Variants in FSIP2 observed in about 807,000 individuals in gnomAD.
FSIP2 encodes fibrous sheath interacting protein 2, also known as fibrous sheath-interacting protein 2.
FSIP2 carries 367 observed loss-of-function variants against 510.5 expected under a neutral mutation model. The observed-to-expected ratio is 0.72, with a 90% CI of 0.66 to 0.78. FSIP2 has a LOEUF of 0.78. Ranked by LOEUF, FSIP2 falls within the 30% of genes least tolerant of loss-of-function variation. The probability of loss-of-function intolerance (pLI) is 0.00; values close to 1 mark genes in which losing one functional copy is unlikely to be tolerated. For missense variants in FSIP2, 7,594 were observed against 7,901.7 expected, an observed-to-expected ratio of 0.96 and a Z score of 1.48; for synonymous variants, 2,601 against 2,732.2, an observed-to-expected ratio of 0.95 and a Z score of 1.50.
At chr2:185,772,137 G>C (rs1312221005) in intron 13 of FSIP2, among the ~76,000 whole-genome samples, 1 of 152,156 alleles carries the variant, frequency 6.6e-6, no homozygotes, top group Non-Finnish European at 1.5e-5. Flanking sequence ...GGACTTTGCT[G>C]TCTATATTTC....
intron 13 of FSIP2, among the ~76,000 whole-genome samples, chr2:185,773,399 G>A (rs1246565864): frequency 3.3e-5 from 5 of 152,132 alleles, no homozygotes; most frequent in Admixed American, 1.3e-4. Context: ...TAAGTGACTA[G>A]ATGCTTTTCT....
rs769452900 is a variant in FSIP2 at position 185,793,590 on chromosome 2, G to A, written c.6454G>A (p.Val2152Ile). 111 of 1,534,044 alleles carry A rather than the reference G, an allele frequency of 7.2e-5. No homozygotes were observed. The Middle Eastern group carries it at 1.3e-3, about 18-fold the overall frequency. The change falls in exon 16 of 23, where the codon GTC (valine) becomes ATC (isoleucine). Residue 2152 changes from valine to isoleucine, a missense_variant. Physicochemically the swap from Val to Ile is conservative, Grantham distance 29. Coordinates refer to ENST00000424728, the MANE Select transcript of FSIP2 (RefSeq NM_173651.4). Reference sequence around the variant, plus strand: ...TAAGCTTTCAGTTCCTAAATCAGATGTCATTTTGATATCCAATGATATAGT... The same window carrying A: ...TAAGCTTTCAGTTCCTAAATCAGATATCATTTTGATATCCAATGATATAGT... ...IPKLSVPKSDVILISNDIVNI... is the reference protein window; with the variant it reads ...IPKLSVPKSDIILISNDIVNI...
intron 19 of FSIP2, among the ~76,000 whole-genome samples, chr2:185,821,601 G>A (rs572442712): frequency 2.6e-5 from 4 of 151,748 alleles, no homozygotes; most frequent in East Asian, 3.9e-4. Flanking sequence ...GTTTTATCCC[G>A]GGAATGCAAG....
intron 16 of FSIP2, among the ~76,000 whole-genome samples, chr2:185,798,992 T>G (rs1397139092): frequency 6.6e-6 from 1 of 151,804 alleles, no homozygotes; most frequent in African/African-American, 2.4e-5. Context: ...CATGAAGATA[T>G]ATAATATATA....
At position 185,833,221 on chromosome 2, in the gene FSIP2, C is replaced by T; in HGVS notation, c.20719C>T (p.His6907Tyr). 1 of 1,605,240 alleles carries T rather than the reference C, an allele frequency of 6.2e-7. No homozygotes were observed. Among genetic ancestry groups the T allele is most frequent in the South Asian group, 1.1e-5 (1 of 89,728 alleles). ...TTCCTCACCAGCTCACCAGGATGAA[C>T]ACTGAAGCTTTTGTACCTGATATAA... ...RSSSPAHQDE[H>Y] The change falls in exon 23 of 23, where the codon CAC (histidine) becomes TAC (tyrosine). Residue 6907 changes from histidine (H) to tyrosine (Y), a missense_variant. Physicochemically the swap from His to Tyr is moderately conservative, Grantham distance 83. Coordinates refer to ENST00000424728, the MANE Select transcript of FSIP2 (RefSeq NM_173651.4).
rs1442877137 is a variant in FSIP2, at chr2:185,788,981, T to C, written c.1845T>C (p.Cys615=). The C allele has an allele frequency of 9.8e-6, 15 of 1,534,554 alleles. No individual in the cohort carries two copies. Among genetic ancestry groups the C allele is most frequent in the Non-Finnish European group, 1.3e-5 (15 of 1,145,746 alleles). The change falls in exon 16 of 23, where the codon TGT becomes TGC. Residue 615 remains cysteine, a synonymous_variant. Transcript: ENST00000424728. ...AAAAAACAGTTGTGGGGAAAACATG[T>C]CACATAAAAGGACAATCTATAATCT... ...HVEKTVVGKT[C]HIKGQSIISK...
At position 185,791,391 on chromosome 2, in the gene FSIP2, A is replaced by C. The variant is rs764814514; in HGVS notation, c.4255A>C (p.Asn1419His). 2.0e-6 allele frequency: 3 copies of C among 1,534,154 alleles called. No individual in the cohort carries two copies. Among genetic ancestry groups the C allele is most frequent in the Non-Finnish European group, 2.6e-6 (3 of 1,145,492 alleles). ...TACTCCTTGTACTCACCACAGTGTC[A>C]ATGGTGGAAACCATATTAAAGAGAA... ...LATPCTHHSV[N>H]GGNHIKENAK... Residue 1419 changes from asparagine to histidine, a missense_variant, in exon 16 of 23, where the codon AAT becomes CAT. By Grantham distance (68) the Asn-to-His change is moderately conservative (BLOSUM62 1). Transcript: ENST00000424728.
At chr2:185,777,905 C>T (rs1301986567) in intron 13 of FSIP2, among the ~76,000 whole-genome samples, 5 of 151,886 alleles carry the variant, frequency 3.3e-5, no homozygotes, top group South Asian at 4.1e-4. Flanking sequence ...ATTTTATAAA[C>T]GTTTACAAAG....
rs1447773837 is a variant in FSIP2, at chr2:185,763,227, G to T, written c.1285G>T (p.Val429Leu). The T allele has an allele frequency of 2.0e-6, 3 of 1,520,042 alleles. No individual in the cohort carries two copies. The highest frequency in any genetic ancestry group is 2.0e-5 in the Admixed American group (1 of 50,778). The allele number at this position is 1,520,042 out of a possible 1,614,324, so 94.2% of individuals were successfully genotyped here. The change falls in exon 12 of 23, where the codon GTA (valine) becomes TTA (leucine). Residue 429 changes from valine to leucine, a missense_variant. Val to Leu is a conservative substitution (Grantham distance 32). Coordinates refer to ENST00000424728, the MANE Select transcript of FSIP2 (RefSeq NM_173651.4). Reference protein sequence around the residue: ...SGQGSIISAQVSPTRNFSRVS... With the variant: ...SGQGSIISAQLSPTRNFSRVS... ...CCAAGGTTCAATTATTTCAGCGCAGGTATCACCCACGAGAAATTTTTCCAG... is the reference window on the plus strand; with the variant it reads ...CCAAGGTTCAATTATTTCAGCGCAGTTATCACCCACGAGAAATTTTTCCAG...
Position 185,804,008 on chromosome 2 carries a change from A to C in FSIP2, c.14702A>C (p.Lys4901Thr). The change falls in exon 17 of 23, where the codon AAA becomes ACA. Residue 4901 changes from lysine to threonine, a missense_variant. Coordinates refer to ENST00000424728, the MANE Select transcript of FSIP2 (RefSeq NM_173651.4). Reference protein sequence around the residue: ...PVSKIASFIIKEIFNHHIQSF... With the variant: ...PVSKIASFIITEIFNHHIQSF... ...TCAAAAATAGCGAGTTTTATAATAAAAGAAATCTTTAACCATCATATTCAA... is the reference window on the plus strand; with the variant it reads ...TCAAAAATAGCGAGTTTTATAATAACAGAAATCTTTAACCATCATATTCAA... 6.7e-7 allele frequency: 1 copy of C among 1,498,794 alleles called. No individual in the cohort carries two copies. The highest frequency in any genetic ancestry group is 8.9e-7 in the Non-Finnish European group (1 of 1,129,064). The allele number at this position is 1,498,794 out of a possible 1,614,324, so 92.8% of individuals were successfully genotyped here. A position where few individuals can be genotyped will look rare whatever the true frequency, so the allele number is the denominator to read the frequency against.
In FSIP2 at chr2:185,831,891, T is replaced by G; in HGVS notation, c.20587+9T>G. ...AAAGGAAGTCATTTCAGGTACAAAA[T>G]GTACTATTTTAACAACTGGTGTAAT... On this transcript the variant is annotated intron_variant, in intron 22 of 22. Transcript: ENST00000424728. The G allele has an allele frequency of 6.5e-7, 1 of 1,539,536 alleles. No homozygotes were observed. Among genetic ancestry groups the G allele is most frequent in the Non-Finnish European group, 9.0e-7 (1 of 1,113,216 alleles).
At chr2:185,776,789 C>T (rs539396972) in intron 13 of FSIP2, among the ~76,000 whole-genome samples, 1 of 152,222 alleles carries the variant, frequency 6.6e-6, no homozygotes, top group Admixed American at 6.5e-5. Context: ...GCTGGAGTTG[C>T]AATGGTGTGA....
chr2:185,796,745 A>G lies in FSIP2; in HGVS notation c.9609A>G (p.Ser3203=), dbSNP rs1410117923. The G allele has an allele frequency of 6.5e-7, 1 of 1,535,142 alleles. No individual in the cohort carries two copies. The highest frequency in any genetic ancestry group is 1.4e-5 in the African/African-American group (1 of 73,064). ...DEDMKEKYRV[S]SDLPTSVRSS... ...ATATGAAAGAAAAGTACAGGGTTTC[A>G]TCAGATTTACCCACCTCTGTCAGAT... is the stretch of plus-strand genomic sequence containing the variant. Residue 3203 remains serine, a synonymous_variant, in exon 16 of 23, where the codon TCA becomes TCG. Coordinates refer to ENST00000424728, the MANE Select transcript of FSIP2 (RefSeq NM_173651.4).
Position 185,790,936 on chromosome 2 carries a change from T to C in FSIP2, c.3800T>C (p.Ile1267Thr). 3 of 1,524,066 alleles carry C rather than the reference T, an allele frequency of 2.0e-6. No individual in the cohort carries two copies. Among genetic ancestry groups the C allele is most frequent in the Non-Finnish European group, 2.6e-6 (3 of 1,142,708 alleles). 94.4% of individuals were successfully genotyped at this position (1,524,066 alleles called of 1,614,324 possible). Reference protein sequence around the residue: ...DDINDKIIRTIFKRLKSFICP... With the variant: ...DDINDKIIRTTFKRLKSFICP... ...ATTAATGATAAGATCATTCGTACAA[T>C]TTTTAAAAGACTGAAGTCATTTATT... Residue 1267 changes from isoleucine to threonine, a missense_variant, in exon 16 of 23, where the codon ATT becomes ACT. Physicochemically the swap from Ile to Thr is moderately conservative, Grantham distance 89. Transcript: ENST00000424728.
rs755132045 is a variant in FSIP2 at position 185,806,941 on chromosome 2, C to T, written c.17635C>T (p.Pro5879Ser). Residue 5879 changes from proline (P) to serine (S), a missense_variant, in exon 17 of 23, where the codon CCA (proline) becomes TCA (serine). Transcript: ENST00000424728. ...RYKEPTTDEA[P>S]SSIKIKSADK... ...TAAAGAGCCAACTACAGATGAAGCA[C>T]CATCCAGCATTAAGATAAAATCTGC... is the stretch of plus-strand genomic sequence containing the variant. The T allele has an allele frequency of 3.7e-5, 59 of 1,611,396 alleles. No individual in the cohort carries two copies. Among genetic ancestry groups the T allele is most frequent in the Non-Finnish European group, 4.9e-5 (58 of 1,178,740 alleles).
At chr2:185,827,916 T>C (rs926910034) in intron 20 of FSIP2, among the ~76,000 whole-genome samples, 1 of 151,870 alleles carries the variant, frequency 6.6e-6, no homozygotes, top group African/African-American at 2.4e-5. Flanking sequence ...CTATGTTACA[T>C]TTCATCTGTC....
intron 13 of FSIP2, among the ~76,000 whole-genome samples, chr2:185,775,310 A>G (rs1323996020): frequency 6.7e-6 from 1 of 149,798 alleles, no homozygotes; most frequent in Non-Finnish European, 1.5e-5. Context: ...TGTGGTTTTG[A>G]TTTGCTTTTC....
Position 185,795,718 on chromosome 2 carries a change from T to C in FSIP2, c.8582T>C (p.Ile2861Thr), listed in dbSNP as rs562135381. 2.4e-5 allele frequency: 37 copies of C among 1,532,754 alleles called. 1 individual carries two copies. Among genetic ancestry groups the C allele is most frequent in the African/African-American group, 2.1e-4 (15 of 72,896 alleles). The allele number at this position is 1,532,754 out of a possible 1,614,324, so 94.9% of individuals were successfully genotyped here. ...KENEKCKLLM[I>T]AENVLTEISI... ...AATGAAAAATGTAAGCTATTGATGA[T>C]AGCTGAAAATGTTTTGACTGAAATT... Residue 2861 changes from isoleucine to threonine, a missense_variant, in exon 16 of 23, where the codon ATA becomes ACA. Physicochemically the swap from Ile to Thr is moderately conservative, Grantham distance 89. Transcript: ENST00000424728.
At chr2:185,826,404 A>G (rs966013435) in intron 20 of FSIP2, among the ~76,000 whole-genome samples, 1 of 151,802 alleles carries the variant, frequency 6.6e-6, no homozygotes, top group African/African-American at 2.4e-5. Context: ...CAAACATTTT[A>G]TACATTAATG....
Sources: gnomAD v4.1 joint callset for allele counts (sites outside exome capture counted in the v4.1 genomes callset) on GRCh38, gnomAD v4.1.1 for gene constraint, MANE v1.5 for transcripts, NCBI Gene and HGNC (gene_info 2026-07-23, HGNC 2026-07-21) for gene names.